Variants in ZBTB20 observed in about 807,000 individuals in gnomAD.
ZBTB20 encodes zinc finger and BTB domain containing 20, also known as zinc finger and BTB domain-containing protein 20.
ZBTB20 carries 9 observed loss-of-function variants against 56.9 expected under a neutral mutation model. The ratio of observed to expected loss-of-function variants is 0.16; its 90% CI spans 0.10 to 0.28. The LOEUF (loss-of-function observed/expected upper bound fraction) is 0.28, where lower values mean the gene tolerates loss of function less well. ZBTB20 is among the 10% of genes least tolerant of loss of function. The probability of loss-of-function intolerance (pLI) is 1.00; values close to 1 mark genes in which losing one functional copy is unlikely to be tolerated. For missense variants in ZBTB20, 655 were observed against 1,003.0 expected, an observed-to-expected ratio of 0.65 and a Z score of 4.69; for synonymous variants, 417 against 420.7, an observed-to-expected ratio of 0.99 and a Z score of 0.11.
intron 5 of ZBTB20, among the ~76,000 whole-genome samples, chr3:114,794,069 T>C (rs1266010342): frequency 6.6e-6 from 1 of 151,718 alleles, no homozygotes; most frequent in Non-Finnish European, 1.5e-5. Flanking sequence ...GCACAGAGTT[T>C]GAATCAGTGA....
chr3:114,546,532 T>G (rs1237100727), intron 6 of ZBTB20, among the ~76,000 whole-genome samples: 1 of 150,840 alleles, frequency 6.6e-6, no homozygotes, highest in African/African-American at 2.4e-5. Context: ...GGATATGCAG[T>G]GAGTCCTTCC....
chr3:114,574,980 A>G (rs192765791), intron 6 of ZBTB20, among the ~76,000 whole-genome samples: 6 of 152,186 alleles, frequency 3.9e-5, no homozygotes, highest in Non-Finnish European at 7.4e-5. Flanking sequence ...CACAATGTGG[A>G]GTACTAGAAT....
intron 6 of ZBTB20, among the ~76,000 whole-genome samples, chr3:114,546,743 G>A (rs2049937262): frequency 2.0e-5 from 3 of 151,726 alleles, no homozygotes; most frequent in South Asian, 4.2e-4. Flanking sequence ...TGGGAATGAG[G>A]GAAAAACAAA....
At chr3:114,649,173 G>C (rs1656050510) in intron 6 of ZBTB20, among the ~76,000 whole-genome samples, 1 of 151,848 alleles carries the variant, frequency 6.6e-6, no homozygotes. Context: ...AACTATATTA[G>C]AAATCTTATT....
At chr3:114,712,293 T>G (rs1002079239) in intron 5 of ZBTB20, among the ~76,000 whole-genome samples, 1 of 152,136 alleles carries the variant, frequency 6.6e-6, no homozygotes, top group Non-Finnish European at 1.5e-5. Flanking sequence ...TGCATGAAAA[T>G]CTACACTTCT....
intron 5 of ZBTB20, among the ~76,000 whole-genome samples, chr3:114,732,445 T>C (rs927218268): frequency 1.3e-5 from 2 of 152,154 alleles, no homozygotes; most frequent in Admixed American, 1.3e-4. Flanking sequence ...TACAAAGTGT[T>C]GTCCTAGAGT....
At chr3:114,839,467 G>GAAAGAA (rs1420146858) in intron 4 of ZBTB20, among the ~76,000 whole-genome samples, 21 of 150,340 alleles carry the variant, frequency 1.4e-4, no homozygotes, top group South Asian at 4.2e-4. Context: ...AAGAAAGAAA[G>GAAAGAA]AGAGAGAGAA....
At chr3:115,065,171 C>G (rs919277018) in intron 2 of ZBTB20, among the ~76,000 whole-genome samples, 2 of 152,022 alleles carry the variant, frequency 1.3e-5, no homozygotes, top group African/African-American at 2.4e-5. Context: ...AGGAAAATTT[C>G]TATCATATAA....
At chr3:114,751,482 C>T (rs576925063) in intron 5 of ZBTB20, among the ~76,000 whole-genome samples, 4 of 152,234 alleles carry the variant, frequency 2.6e-5, no homozygotes, top group African/African-American at 9.6e-5. Flanking sequence ...TAGTCACCTA[C>T]TATGTGGCAC....
At chr3:114,991,562 G>A (rs1576506942) in intron 2 of ZBTB20, among the ~76,000 whole-genome samples, 1 of 152,152 alleles carries the variant, frequency 6.6e-6, no homozygotes. Flanking sequence ...ATGTGGTGCT[G>A]AGAAGAATGT....
At chr3:115,024,479 T>A (rs1215650220) in intron 2 of ZBTB20, among the ~76,000 whole-genome samples, 2 of 151,130 alleles carry the variant, frequency 1.3e-5, no homozygotes, top group Non-Finnish European at 3.0e-5. Context: ...CCCACCTTTT[T>A]ATCCTCCTCA....
chr3:114,342,027 C>G (rs1201893897), intron 11 of ZBTB20, among the ~76,000 whole-genome samples: 1 of 152,170 alleles, frequency 6.6e-6, no homozygotes, highest in Non-Finnish European at 1.5e-5. Context: ...AACTTGGGAG[C>G]TCCTTAAAGG....
At chr3:114,623,850 T>C (rs2058486672) in intron 6 of ZBTB20, among the ~76,000 whole-genome samples, 4 of 151,272 alleles carry the variant, frequency 2.6e-5, no homozygotes, top group Non-Finnish European at 4.4e-5. Context: ...GCTAGGCATG[T>C]CAAGGCTGAC....
chr3:114,377,554 TGCAGA>T (rs1553805761), intron 10 of ZBTB20, among the ~76,000 whole-genome samples: 4 of 152,330 alleles, frequency 2.6e-5, no homozygotes, highest in Non-Finnish European at 4.4e-5. Context: ...TCAGTTCATA[TGCAGA>T]GCTGACTTTT....
intron 7 of ZBTB20, among the ~76,000 whole-genome samples, chr3:114,450,638 A>G (rs1482181739): frequency 6.6e-6 from 1 of 152,270 alleles, no homozygotes; most frequent in South Asian, 2.1e-4. Context: ...TCTTGCATGT[A>G]ACTATACAAA....
intron 6 of ZBTB20, among the ~76,000 whole-genome samples, chr3:114,664,770 C>CA (rs2060953811): frequency 1.3e-5 from 2 of 151,242 alleles, no homozygotes; most frequent in Non-Finnish European, 3.0e-5. Context: ...GAAAAGAAAA[C>CA]AAAAAAAGGC....
intron 6 of ZBTB20, among the ~76,000 whole-genome samples, chr3:114,502,488 T>C (rs1242863789): frequency 8.1e-6 from 1 of 123,390 alleles, no homozygotes; most frequent in Admixed American, 7.6e-5. Context: ...CCTGGATTAT[T>C]ATAATGCTAA....
At chr3:114,640,895 T>G (rs1038202165) in intron 6 of ZBTB20, among the ~76,000 whole-genome samples, 4 of 152,064 alleles carry the variant, frequency 2.6e-5, no homozygotes, top group Non-Finnish European at 5.9e-5. Flanking sequence ...TTTTTAGCCT[T>G]ATTTTATACA....
At chr3:114,613,687 T>C (rs909504010) in intron 6 of ZBTB20, among the ~76,000 whole-genome samples, 4 of 152,112 alleles carry the variant, frequency 2.6e-5, no homozygotes, top group Non-Finnish European at 5.9e-5. Context: ...CTTGGGATAA[T>C]ATTAAGATCA....
Sources: allele counts gnomAD v4.1 joint callset (sites outside exome capture counted in the v4.1 genomes callset), GRCh38; gene constraint gnomAD v4.1.1; transcripts MANE v1.5; gene names NCBI Gene and HGNC (gene_info 2026-07-23, HGNC 2026-07-21).